GANC: variants seen among roughly 807,000 people sequenced by gnomAD.
GANC encodes the protein neutral alpha-glucosidase C.
A neutral mutation model predicts 124.2 loss-of-function variants in GANC; 117 were observed. The ratio of observed to expected loss-of-function variants is 0.94; its 90% confidence interval spans 0.81 to 1.10. GANC has a LOEUF of 1.10. Ranked by LOEUF, GANC falls within the 50% of genes least tolerant of loss-of-function variation. The pLI, the probability that GANC is intolerant of heterozygous loss-of-function variation, is 0.00. For synonymous variants in GANC, 377 were observed against 376.8 expected, an observed-to-expected ratio of 1.00 and a Z score of -0.01; for missense variants, 1,140 against 1,095.0, an observed-to-expected ratio of 1.04 and a Z score of -0.58.
At chr15:42,351,470 T>C (rs550345145) in intron 23 of GANC, 38 bp downstream of exon 23, 2 of 1,427,020 alleles carry the variant, frequency 1.4e-6, no homozygotes, top group South Asian at 1.1e-5. Flanking sequence ...CCATTTGTTT[T>C]TATAAACAGA....
In GANC at chr15:42,327,501, A is replaced by T. The variant is rs1277734514; in HGVS notation, c.1500+59A>T. The stretch of plus-strand genomic sequence containing the variant: ...CCTGAAAGAGTGAAAGAAGTGGAAA[A>T]AGTGATTGAATAAAACTATTCTTTT... On this transcript the variant is annotated intron_variant, in intron 13 of 23. Coordinates refer to ENST00000318010, the MANE Select transcript of GANC (RefSeq NM_198141.3). 3 of 1,290,832 alleles carry T rather than the reference A, an allele frequency of 2.3e-6. No homozygotes were observed. In the East Asian group the frequency reaches 7.0e-5, roughly 30 times the overall value. The allele number at this position is 1,290,832 out of a possible 1,614,324, so 80.0% of individuals were successfully genotyped here.
In GANC at chr15:42,341,435, T is replaced by C. The variant is rs183855228; in HGVS notation, c.2152+681T>C. On this transcript the variant is annotated intron_variant, in intron 18 of 23. Transcript: ENST00000318010. ...CATATGCAATAATAGGGTTTTTCTT[T>C]GGTTGACCTCTTCTTTAACAAAGAT... 7.2e-5 allele frequency among the ~76,000 whole-genome samples: 11 copies of C among 152,354 alleles called. No individual in the cohort carries two copies. The East Asian group carries it at 2.1e-3, about 29-fold the overall frequency.
chr15:42,306,163 A>C (rs2051993470), intron 6 of GANC, among the ~76,000 whole-genome samples: 1 of 151,958 alleles, frequency 6.6e-6, no homozygotes, highest in Non-Finnish European at 1.5e-5. Flanking sequence ...AGTAGCTGGG[A>C]CTACAGGTGC....
chr15:42,285,342 G>A (rs11070370), intron 3 of GANC, among the ~76,000 whole-genome samples: 109,515 of 152,034 alleles, frequency 0.72, 42,253 homozygotes, highest in Non-Finnish European at 0.86. Flanking sequence ...ATTCCCCACT[G>A]TCTTTAACCC....
At chr15:42,295,546 A>G (rs1195455534) in intron 5 of GANC, among the ~76,000 whole-genome samples, 1 of 152,062 alleles carries the variant, frequency 6.6e-6, no homozygotes, top group Non-Finnish European at 1.5e-5. Context: ...CTGAAGAGCC[A>G]TAAGGAAAAG....
At chr15:42,299,876 T>C (rs576244439) in intron 6 of GANC, among the ~76,000 whole-genome samples, 1 of 152,308 alleles carries the variant, frequency 6.6e-6, no homozygotes, top group South Asian at 2.1e-4. Flanking sequence ...GGATCTCCTA[T>C]TCAATAAATG....
chr15:42,318,199 T>G (rs2052125900), intron 10 of GANC, among the ~76,000 whole-genome samples: 1 of 152,212 alleles, frequency 6.6e-6, no homozygotes, highest in Non-Finnish European at 1.5e-5. Flanking sequence ...TCTGGTGTTG[T>G]ATCCCTCCTT....
chr15:42,343,358 G>A, intron 19 of GANC: 2 of 549,192 alleles, frequency 3.6e-6, no homozygotes, highest in Non-Finnish European at 3.3e-6. Flanking sequence ...GAATTGGTGA[G>A]GATTCCAAGG....
In GANC at chr15:42,353,230, T is replaced by A. The variant is rs945513871; in HGVS notation, c.*1091T>A. The A allele has an allele frequency of 2.3e-5, 23 of 985,760 alleles. No individual in the cohort carries two copies. In the African/African-American group the frequency reaches 4.0e-4, roughly 17 times the overall value. 61.1% of individuals were successfully genotyped at this position (985,760 alleles called of 1,614,324 possible). On this transcript the variant is annotated 3_prime_UTR_variant, in exon 24 of 24. Coordinates refer to ENST00000318010, the MANE Select transcript of GANC (RefSeq NM_198141.3). Reference sequence around the variant, plus strand: ...CATCTGTTTTAGCAGCCTCGACTCCTCAGCACTCCTCAGCACACACCTCTT... The same window carrying A: ...CATCTGTTTTAGCAGCCTCGACTCCACAGCACTCCTCAGCACACACCTCTT...
At chr15:42,284,719 G>A (rs1262640778) in intron 3 of GANC, among the ~76,000 whole-genome samples, 1 of 152,106 alleles carries the variant, frequency 6.6e-6, no homozygotes, top group Non-Finnish European at 1.5e-5. Context: ...ATGGCACACT[G>A]TAACCTCAAA....
intron 15 of GANC, among the ~76,000 whole-genome samples, chr15:42,336,167 G>C (rs2052282110): frequency 6.7e-6 from 1 of 148,500 alleles, no homozygotes. Context: ...AAAAGAGCCT[G>C]AATAACCAAG....
chr15:42,311,850 G>GA (rs55980626), intron 10 of GANC, among the ~76,000 whole-genome samples: 108,871 of 150,332 alleles, frequency 0.72, 42,120 homozygotes, highest in Non-Finnish European at 0.87. Context: ...AATCAATAAC[G>GA]AAAAAAAAAA....
At chr15:42,275,235 G>C (rs974320101) in intron 1 of GANC, among the ~76,000 whole-genome samples, 1 of 152,090 alleles carries the variant, frequency 6.6e-6, no homozygotes, top group African/African-American at 2.4e-5. Flanking sequence ...TTAGCCAGAC[G>C]TGGTGATGTG....
chr15:42,291,438 T>G (rs1201964291), intron 4 of GANC, among the ~76,000 whole-genome samples: 1 of 152,154 alleles, frequency 6.6e-6, no homozygotes, highest in Non-Finnish European at 1.5e-5. Flanking sequence ...CTTAGAGAGA[T>G]AAAGATGTTG....
Position 42,329,416 on chromosome 15 carries a change from C to T in GANC, c.1611C>T (p.His537=), listed in dbSNP as rs779910369. ...KNAIHHGNWE[H]RELHNIYGFY... ...CCATTCATCATGGCAATTGGGAGCA[C>T]AGAGAGCTCCACAACATCTACGGTT... Residue 537 remains histidine, a synonymous_variant, in exon 14 of 24, where the codon CAC becomes CAT. Transcript: ENST00000318010. The T allele has an allele frequency of 8.7e-6, 14 of 1,613,564 alleles. No homozygotes were observed. The highest frequency in any genetic ancestry group is 1.1e-5 in the Non-Finnish European group (13 of 1,179,802).
Position 42,273,306 on chromosome 15 carries a change from C to G in GANC, c.-1176C>G. ...ACCGGTCGGCAGCAGCTACGGTTGC[C>G]GGTCCCGCACTGAAAAACGACAGTG... On this transcript the variant is annotated 5_prime_UTR_variant, in exon 1 of 24. Coordinates refer to ENST00000318010, the MANE Select transcript of GANC (RefSeq NM_198141.3). The G allele has an allele frequency of 1.2e-6, 2 of 1,614,138 alleles. No homozygotes were observed. The highest frequency in any genetic ancestry group is 3.3e-5 in the Admixed American group (2 of 60,014).
intron 3 of GANC, among the ~76,000 whole-genome samples, chr15:42,284,837 A>G (rs183279722): frequency 3.8e-4 from 58 of 152,306 alleles, no homozygotes; most frequent in Admixed American, 1.0e-3. Flanking sequence ...AGCAAAACAC[A>G]TGCTCTCTCA....
At chr15:42,275,042 G>C (rs140967957) in intron 1 of GANC, among the ~76,000 whole-genome samples, 66 of 152,194 alleles carry the variant, frequency 4.3e-4, no homozygotes, top group African/African-American at 1.6e-3. Context: ...CTTCGAAGCT[G>C]TAAAGAGGAA....
At chr15:42,305,511 T>C (rs956722294) in intron 6 of GANC, among the ~76,000 whole-genome samples, 1 of 152,232 alleles carries the variant, frequency 6.6e-6, no homozygotes, top group Non-Finnish European at 1.5e-5. Context: ...GAGTGTAAAT[T>C]AGTTCAACCA....
Sources: gnomAD v4.1 joint callset for allele counts (sites outside exome capture counted in the v4.1 genomes callset) on GRCh38, gnomAD v4.1.1 for gene constraint, MANE v1.5 for transcripts, NCBI Gene and HGNC (gene_info 2026-07-23, HGNC 2026-07-21) for gene names.